SMOC1: variants seen among roughly 807,000 people sequenced by gnomAD.
The protein encoded by SMOC1 is SPARC related modular calcium binding 1.
Under a neutral mutation model 56.3 loss-of-function variants are expected in SMOC1, and 22 were observed. The observed-to-expected ratio is 0.39, with a 90% confidence interval of 0.28 to 0.56. The LOEUF is 0.56. SMOC1 is among the 20% of genes least tolerant of loss of function. SMOC1 has a pLI of 0.61. For missense variants in SMOC1, 509 were observed against 565.4 expected, an observed-to-expected ratio of 0.90 and a Z score of 1.01; for synonymous variants, 193 against 215.0, an observed-to-expected ratio of 0.90 and a Z score of 0.89.
At chr14:69,900,172 AAG>A (rs1423794576) in intron 1 of SMOC1, among the ~76,000 whole-genome samples, 1 of 152,116 alleles carries the variant, frequency 6.6e-6, no homozygotes, top group Non-Finnish European at 1.5e-5. Flanking sequence ...GAGGCCTAGG[AAG>A]AGAGGAGGAA....
intron 1 of SMOC1, among the ~76,000 whole-genome samples, chr14:69,941,052 T>C (rs227397): frequency 0.45 from 67,668 of 151,992 alleles, 15,213 homozygotes; most frequent in Admixed American, 0.49. Flanking sequence ...ATTTAAGTTG[T>C]AGGACTCCAC....
At chr14:69,953,225 C>T (rs1180150214) in intron 2 of SMOC1, among the ~76,000 whole-genome samples, 195 bp from the exon 3 acceptor site, 6 of 152,174 alleles carry the variant, frequency 3.9e-5, no homozygotes, top group Non-Finnish European at 7.3e-5. Flanking sequence ...CACGAATCCT[C>T]TGCTTTTCTA....
intron 2 of SMOC1, 25 bp downstream of exon 2, chr14:69,952,328 C>G (rs777770391): frequency 1.2e-6 from 2 of 1,613,058 alleles, no homozygotes; most frequent in Admixed American, 3.3e-5. Flanking sequence ...CCCTGCCCAG[C>G]CAAGGAGAGG....
chr14:69,969,068 T>C (rs1304538761), intron 3 of SMOC1, among the ~76,000 whole-genome samples: 1 of 152,166 alleles, frequency 6.6e-6, no homozygotes, highest in South Asian at 2.1e-4. Context: ...ATTTCAAGCA[T>C]AGTGAACTGA....
chr14:69,893,923 CAG>C (rs1884029120), intron 1 of SMOC1, among the ~76,000 whole-genome samples: 1 of 152,100 alleles, frequency 6.6e-6, no homozygotes, highest in Non-Finnish European at 1.5e-5. Context: ...GATTAGAACA[CAG>C]AGAAAAACTA....
chr14:69,999,246 A>T (rs1353196818), intron 7 of SMOC1, among the ~76,000 whole-genome samples: 1 of 152,036 alleles, frequency 6.6e-6, no homozygotes, highest in Non-Finnish European at 1.5e-5. Flanking sequence ...TTCCTCACCC[A>T]GGAAGTTCCT....
chr14:69,885,049 C>T (rs1021190121), intron 1 of SMOC1, among the ~76,000 whole-genome samples: 6 of 152,148 alleles, frequency 3.9e-5, no homozygotes, highest in African/African-American at 1.4e-4. Context: ...AACATTTGCT[C>T]TTCCAATTCA....
chr14:69,949,796 C>T (rs1594818568), intron 1 of SMOC1, among the ~76,000 whole-genome samples: 2 of 152,104 alleles, frequency 1.3e-5, no homozygotes, highest in Non-Finnish European at 1.5e-5. Flanking sequence ...GAGGGGCCCC[C>T]GGGTCTGATT....
intron 3 of SMOC1, among the ~76,000 whole-genome samples, chr14:69,969,883 T>C (rs1230762127): frequency 6.6e-6 from 1 of 152,150 alleles, no homozygotes; most frequent in Admixed American, 6.5e-5. Context: ...CTGCATTCAT[T>C]CATCAGTGTA....
chr14:69,930,596 T>C (rs1425756032), intron 1 of SMOC1, among the ~76,000 whole-genome samples: 5 of 151,658 alleles, frequency 3.3e-5, no homozygotes, highest in Non-Finnish European at 7.4e-5. Context: ...GTTTTAGGAG[T>C]AGGAGGTCTG....
intron 7 of SMOC1, among the ~76,000 whole-genome samples, chr14:70,007,316 G>A (rs1251104576): frequency 6.6e-6 from 1 of 152,206 alleles, no homozygotes; most frequent in Non-Finnish European, 1.5e-5. Flanking sequence ...TCCAAGTCTG[G>A]CCCATGGTAA....
At chr14:69,938,638 G>A (rs746787855) in intron 1 of SMOC1, among the ~76,000 whole-genome samples, 13 of 151,998 alleles carry the variant, frequency 8.6e-5, no homozygotes, top group Non-Finnish European at 7.4e-5. Context: ...GGCTCACCTG[G>A]CCCATTTGGC....
intron 3 of SMOC1, among the ~76,000 whole-genome samples, chr14:69,975,339 T>G (rs1039130514): frequency 2.0e-5 from 3 of 152,236 alleles, no homozygotes; most frequent in Non-Finnish European, 2.9e-5. Flanking sequence ...TGAAACTGTG[T>G]CTCAAAAATA....
At chr14:70,015,695 C>T (rs1259413408) in intron 10 of SMOC1, among the ~76,000 whole-genome samples, 2 of 151,924 alleles carry the variant, frequency 1.3e-5, no homozygotes, top group African/African-American at 2.4e-5. Context: ...GGCCCACAGA[C>T]GGGAGCTGCT....
intron 11 of SMOC1, 106 bp downstream of exon 11, chr14:70,023,553 C>G: frequency 1.3e-6 from 2 of 1,484,114 alleles, no homozygotes; most frequent in Non-Finnish European, 1.9e-6. Flanking sequence ...ATCTATTCAT[C>G]AATTATTTGC....
chr14:69,899,691 C>T (rs976327997), intron 1 of SMOC1, among the ~76,000 whole-genome samples: 1 of 152,146 alleles, frequency 6.6e-6, no homozygotes, highest in Non-Finnish European at 1.5e-5. Context: ...AGGTAGGGCT[C>T]CTGGAGGTAA....
chr14:69,902,821 T>G (rs1487850611), intron 1 of SMOC1, among the ~76,000 whole-genome samples: 1 of 152,232 alleles, frequency 6.6e-6, no homozygotes, highest in East Asian at 1.9e-4. Context: ...GGTTTCGCTG[T>G]GTTGGCCGGG....
chr14:69,920,667 G>C (rs371383469), intron 1 of SMOC1, among the ~76,000 whole-genome samples: 1 of 145,528 alleles, frequency 6.9e-6, no homozygotes, highest in East Asian at 1.9e-4. Flanking sequence ...ACAGTCTGGT[G>C]GGGGGGAGGC....
intron 1 of SMOC1, among the ~76,000 whole-genome samples, chr14:69,920,193 C>A (rs1884799995): frequency 6.6e-6 from 1 of 152,182 alleles, no homozygotes; most frequent in South Asian, 2.1e-4. Flanking sequence ...AAGCTTAGAG[C>A]CCCTTCTATT....
Sources: allele counts gnomAD v4.1 joint callset (sites outside exome capture counted in the v4.1 genomes callset), GRCh38; gene constraint gnomAD v4.1.1; transcripts MANE v1.5; gene names NCBI Gene and HGNC (gene_info 2026-07-23, HGNC 2026-07-21).